PLPP3: variants seen among roughly 807,000 people sequenced by gnomAD.
PLPP3 encodes phospholipid phosphatase 3.
In PLPP3, 6 loss-of-function variants were observed where a neutral mutation model predicts 29.6. The observed-to-expected ratio is 0.20, with a 90% CI of 0.11 to 0.40. The LOEUF (loss-of-function observed/expected upper bound fraction) is 0.40, where lower values mean the gene tolerates loss of function less well. Ranked by LOEUF, PLPP3 falls within the 10% of genes least tolerant of loss-of-function variation. The pLI is 1.00. For missense variants in PLPP3, 308 were observed against 407.7 expected, an observed-to-expected ratio of 0.76 and a Z score of 2.11; for synonymous variants, 152 against 159.7, an observed-to-expected ratio of 0.95 and a Z score of 0.36.
chr1:56,553,620 A>C (rs1646054978), intron 1 of PLPP3, among the ~76,000 whole-genome samples: 1 of 152,146 alleles, frequency 6.6e-6, no homozygotes, highest in African/African-American at 2.4e-5. Flanking sequence ...TCATTGCTGG[A>C]GTTTCCCTAC....
chr1:56,525,029 T>C (rs906823943), intron 2 of PLPP3, among the ~76,000 whole-genome samples: 4 of 152,236 alleles, frequency 2.6e-5, no homozygotes, highest in East Asian at 1.9e-4. Flanking sequence ...ACATTGGCCA[T>C]GGTGAGAGTT....
At chr1:56,539,565 A>G (rs1645953932) in intron 1 of PLPP3, among the ~76,000 whole-genome samples, 1 of 151,930 alleles carries the variant, frequency 6.6e-6, no homozygotes, top group African/African-American at 2.4e-5. Context: ...ACAGCAACAC[A>G]CCACAGTATT....
At chr1:56,529,353 GAC>G (rs1411751013) in intron 2 of PLPP3, among the ~76,000 whole-genome samples, 1 of 152,084 alleles carries the variant, frequency 6.6e-6, no homozygotes, top group African/African-American at 2.4e-5. Flanking sequence ...TCTCCAGAGA[GAC>G]ATATGTTCAC....
intron 1 of PLPP3, among the ~76,000 whole-genome samples, chr1:56,575,557 G>A (rs768887042): frequency 2.6e-5 from 4 of 152,160 alleles, no homozygotes; most frequent in African/African-American, 7.2e-5. Flanking sequence ...CTGGGAAATC[G>A]GGAGAGGCAG....
At position 56,500,994 on chromosome 1, in the gene PLPP3, A is replaced by G. The variant is rs558157804; in HGVS notation, c.811-4318T>C. 2.8e-3 allele frequency among the ~76,000 whole-genome samples: 338 copies of G among 122,498 alleles called. 1 individual carries two copies. Among genetic ancestry groups the G allele is most frequent in the African/African-American group, 0.011 (330 of 31,190 alleles). 80.4% of individuals were successfully genotyped at this position (122,498 alleles called of 152,430 possible). A position where few individuals can be genotyped will look rare whatever the true frequency, so the allele number is the denominator to read the frequency against. On this transcript the variant is annotated intron_variant, in intron 5 of 5. Coordinates refer to ENST00000371250, the MANE Select transcript of PLPP3 (RefSeq NM_003713.5). ...ACTCCAGCCTGGGCGAGACAGCGAGACTCTGTCTCAGACAAAAAAAAAAAA... is the reference window on the plus strand; with the variant it reads ...ACTCCAGCCTGGGCGAGACAGCGAGGCTCTGTCTCAGACAAAAAAAAAAAA...
intron 1 of PLPP3, among the ~76,000 whole-genome samples, chr1:56,563,025 A>G (rs961797178): frequency 6.6e-6 from 1 of 152,166 alleles, no homozygotes; most frequent in Admixed American, 6.5e-5. Flanking sequence ...TTTCCTATTC[A>G]TCCTTGGTCC....
At chr1:56,531,682 T>A (rs968384680) in intron 2 of PLPP3, among the ~76,000 whole-genome samples, 7 of 152,216 alleles carry the variant, frequency 4.6e-5, no homozygotes, top group South Asian at 2.1e-4. Flanking sequence ...TTCATTAGCA[T>A]CTGTTAAAGC....
chr1:56,549,074 A>C (rs1646022829), intron 1 of PLPP3, among the ~76,000 whole-genome samples: 2 of 152,242 alleles, frequency 1.3e-5, no homozygotes, highest in Admixed American at 1.3e-4. Context: ...ATGCTTGCTA[A>C]AAAGGAAGCG....
intron 1 of PLPP3, among the ~76,000 whole-genome samples, chr1:56,554,104 A>C (rs1369974812): frequency 6.6e-6 from 1 of 151,786 alleles, no homozygotes; most frequent in Non-Finnish European, 1.5e-5. Flanking sequence ...GGTGATTGAG[A>C]ATATGGATAG....
rs1293558515 is a variant in PLPP3, at chr1:56,571,880, C to CAA, written c.139+6997_139+6998insTT. 2.6e-5 allele frequency among the ~76,000 whole-genome samples: 4 copies of CAA among 152,134 alleles called. No homozygotes were observed. In the East Asian group the frequency reaches 7.7e-4, roughly 29 times the overall value. On this transcript the variant is annotated intron_variant, in intron 1 of 5. Coordinates refer to ENST00000371250, the MANE Select transcript of PLPP3 (RefSeq NM_003713.5). The stretch of plus-strand genomic sequence containing the variant: ...GGGTGCCCTTGTGCAAGTTACTTAA[C>CAA]ATCTCTGAGCTACAGTTCCCTCTTC...
At chr1:56,552,817 A>G (rs540352694) in intron 1 of PLPP3, among the ~76,000 whole-genome samples, 54 of 152,304 alleles carry the variant, frequency 3.5e-4, no homozygotes, top group African/African-American at 1.2e-3. Flanking sequence ...TTCAAGATAC[A>G]GGAGAAAATA....
Position 56,578,999 on chromosome 1 carries a change from G to A in PLPP3, c.18C>T (p.Tyr6=), listed in dbSNP as rs1205598205. 6.2e-7 allele frequency: 1 copy of A among 1,600,700 alleles called. No individual in the cohort carries two copies. Among genetic ancestry groups the A allele is most frequent in the Admixed American group, 1.7e-5 (1 of 59,204 alleles). MQNYK[Y]DKAIVPESKN... ...TGCTCTCCGGGACGATCGCTTTGTCGTACTTGTAGTTTTGCATGGCGCTGG... is the reference window on the plus strand; with the variant it reads ...TGCTCTCCGGGACGATCGCTTTGTCATACTTGTAGTTTTGCATGGCGCTGG... The change falls in exon 1 of 6, where the codon TAC becomes TAT. Residue 6 remains tyrosine (Y), a synonymous_variant. Coordinates refer to ENST00000371250, the MANE Select transcript of PLPP3 (RefSeq NM_003713.5).
chr1:56,532,408 C>T (rs1645895798), intron 2 of PLPP3, among the ~76,000 whole-genome samples: 1 of 152,000 alleles, frequency 6.6e-6, no homozygotes. Context: ...CTCGACTAGC[C>T]TTTAATGAGG....
At chr1:56,574,957 A>G (rs1253119108) in intron 1 of PLPP3, among the ~76,000 whole-genome samples, 3 of 152,146 alleles carry the variant, frequency 2.0e-5, no homozygotes, top group Non-Finnish European at 4.4e-5. Flanking sequence ...GACTCAGAAA[A>G]TTTAAATGAA....
chr1:56,522,511 C>CA (rs200415324), intron 4 of PLPP3, among the ~76,000 whole-genome samples: 19 of 150,008 alleles, frequency 1.3e-4, no homozygotes, highest in South Asian at 1.3e-3. Context: ...AAGAGCAAAA[C>CA]AAAAAAAAAG....
At chr1:56,542,254 AAC>A (rs1201983789) in intron 1 of PLPP3, among the ~76,000 whole-genome samples, 6 of 152,136 alleles carry the variant, frequency 3.9e-5, no homozygotes, top group African/African-American at 1.2e-4. Flanking sequence ...AGTGTAAAAA[AAC>A]ACAGACTAAG....
At chr1:56,578,476 C>G (rs971616133) in intron 1 of PLPP3, among the ~76,000 whole-genome samples, 1 of 152,182 alleles carries the variant, frequency 6.6e-6, no homozygotes, top group Non-Finnish European at 1.5e-5. Context: ...ACTCTCGGGG[C>G]GATCCATTTC....
In PLPP3 at chr1:56,523,922, T is replaced by C. The variant is rs773241754; in HGVS notation, c.576-42A>G. 14 of 1,585,234 alleles carry C rather than the reference T, an allele frequency of 8.8e-6. No individual in the cohort carries two copies. In the Admixed American group the frequency reaches 2.3e-4, roughly 27 times the overall value. On this transcript the variant is annotated intron_variant, in intron 3 of 5. Coordinates refer to ENST00000371250, the MANE Select transcript of PLPP3 (RefSeq NM_003713.5). The stretch of plus-strand genomic sequence containing the variant: ...GGGCCATGAAAGGGCCGTATTCACA[T>C]CCCTGATACACACTTGTCTGTCTGT...
chr1:56,520,195 C>G (rs897942329), intron 4 of PLPP3, among the ~76,000 whole-genome samples: 2 of 152,192 alleles, frequency 1.3e-5, no homozygotes, highest in African/African-American at 4.8e-5. Flanking sequence ...GACATGATCA[C>G]TTCCACTTTC....
Sources: allele counts gnomAD v4.1 joint callset (sites outside exome capture counted in the v4.1 genomes callset), GRCh38; gene constraint gnomAD v4.1.1; transcripts MANE v1.5; gene names NCBI Gene and HGNC (gene_info 2026-07-23, HGNC 2026-07-21).